Variants in MGST1 observed in about 807,000 individuals in gnomAD.
MGST1 encodes the protein microsomal glutathione S-transferase 1, also known as glutathione S-transferase 12.
Under a neutral mutation model 8.9 loss-of-function variants are expected in MGST1, and 5 were observed. The observed-to-expected ratio is 0.56, with a 90% CI of 0.29 to 1.19. The LOEUF is 1.19. Among genes scored for constraint, MGST1 ranks in the 50% most tolerant of loss-of-function variants. The pLI, the probability that MGST1 is intolerant of heterozygous loss-of-function variation, is 0.08. For missense variants in MGST1, 182 were observed against 187.4 expected (o/e 0.97, Z 0.17); for synonymous variants, 54 against 67.8 (o/e 0.80, Z 1.00).
chr12:16,381,364 G>C (rs549701425), downstream of MGST1, among the ~76,000 whole-genome samples: 101 of 152,294 alleles, frequency 6.6e-4, no homozygotes, highest in African/African-American at 2.4e-3. Context: ...GCATTTGCTT[G>C]TCTGTAAAGT....
At chr12:16,466,574 T>C (rs1010411942) in intron 4 of MGST1, among the ~76,000 whole-genome samples, 1 of 152,152 alleles carries the variant, frequency 6.6e-6, no homozygotes, top group African/African-American at 2.4e-5. Flanking sequence ...TTTGGGGTCA[T>C]TAAATATGAG....
intron 1 of MGST1, chr12:16,348,805 A>T (rs79240451): frequency 0.013 from 1,762 of 133,024 alleles, 27 homozygotes; most frequent in African/African-American, 0.038. Flanking sequence ...GGTAATTAAA[A>T]AAAAAAAAAA....
At chr12:16,545,552 T>G (rs1192778881) in intron 4 of MGST1, among the ~76,000 whole-genome samples, 1 of 152,132 alleles carries the variant, frequency 6.6e-6, no homozygotes. Flanking sequence ...TGTATTATCT[T>G]GATTCTGAGA....
chr12:16,382,947 G>T (rs1419569175), exon 1 of MGST1: 1 of 152,670 alleles, frequency 6.6e-6, no homozygotes, highest in East Asian at 1.9e-4. Flanking sequence ...CTCCGAGCCA[G>T]GTGCGAGATA....
At chr12:16,449,892 G>A (rs1941115673) in intron 4 of MGST1, among the ~76,000 whole-genome samples, 1 of 151,872 alleles carries the variant, frequency 6.6e-6, no homozygotes, top group Non-Finnish European at 1.5e-5. Flanking sequence ...CCACCTCATT[G>A]GAATTGTGGG....
At chr12:16,541,189 C>CT (rs1223322187) in intron 4 of MGST1, among the ~76,000 whole-genome samples, 4 of 152,158 alleles carry the variant, frequency 2.6e-5, no homozygotes, top group East Asian at 3.9e-4. Context: ...AATTAAATAA[C>CT]TTTTTTTAGT....
At chr12:16,564,405 C>T (rs1242036460) in intron 4 of MGST1, among the ~76,000 whole-genome samples, 1 of 152,248 alleles carries the variant, frequency 6.6e-6, no homozygotes, top group Admixed American at 6.5e-5. Flanking sequence ...TGCCATAAAG[C>T]AAGCAAACTC....
chr12:16,554,718 C>T (rs1450989602), intron 4 of MGST1, among the ~76,000 whole-genome samples: 3 of 152,150 alleles, frequency 2.0e-5, no homozygotes, highest in East Asian at 1.9e-4. Flanking sequence ...GGCCTGACTC[C>T]GGAGAGGGAG....
At chr12:16,452,829 C>T (rs1376822294) in intron 4 of MGST1, among the ~76,000 whole-genome samples, 1 of 151,888 alleles carries the variant, frequency 6.6e-6, no homozygotes, top group Non-Finnish European at 1.5e-5. Context: ...ATGTTCTGGC[C>T]TTAAACTGGG....
chr12:16,442,886 A>G (rs1342689494), downstream of MGST1, among the ~76,000 whole-genome samples: 5 of 151,694 alleles, frequency 3.3e-5, no homozygotes, highest in Non-Finnish European at 7.4e-5. The surrounding 1 kb of genome is among the most constrained non-coding windows in gnomAD (Gnocchi z 4.5). Context: ...AATCAATTTG[A>G]TGTGTCATAT....
rs558771909 is a variant in MGST1 at position 16,540,982 on chromosome 12, A to G, written n.483-48546A>G. Among the ~76,000 whole-genome samples, 6 of 152,332 alleles carry G rather than the reference A, an allele frequency of 3.9e-5. No individual in the cohort carries two copies. The South Asian group carries it at 1.0e-3, about 26-fold the overall frequency. On this transcript the variant is annotated intron_variant and non_coding_transcript_variant, in intron 4 of 4. Coordinates refer to the MGST1 transcript ENST00000538857. ...AAAACCTGATTTTGGATTCACAACC[A>G]ATAAAACCAAATTAATTGATTTCAC...
chr12:16,417,232 TC>T (rs1164158954), intron 1 of MGST1, among the ~76,000 whole-genome samples: 1 of 152,006 alleles, frequency 6.6e-6, no homozygotes, highest in African/African-American at 2.4e-5. Flanking sequence ...GGCAAACACA[TC>T]CTTTTTCACA....
chr12:16,566,040 A>ATATATATATATAT (rs1942598708), intron 4 of MGST1, among the ~76,000 whole-genome samples: 10 of 106,796 alleles, frequency 9.4e-5, no homozygotes, highest in East Asian at 3.3e-4. Context: ...ATATATATAT[A>ATATATATATATAT]AAATGGAGTA....
chr12:16,474,975 G>A lies in MGST1; in HGVS notation n.482+91371G>A, dbSNP rs1277016859. Among the ~76,000 whole-genome samples the A allele has an allele frequency of 2.6e-5, 4 of 152,210 alleles. No individual in the cohort carries two copies. In the South Asian group the frequency reaches 8.3e-4, roughly 32 times the overall value. The stretch of plus-strand genomic sequence containing the variant: ...TCAGAGAGAGCACTGCTAATCAACC[G>A]GTGCAGTAGGCTAATGCACCATGTG... On this transcript the variant is annotated intron_variant and non_coding_transcript_variant, in intron 4 of 4. Transcript: ENST00000538857.
At chr12:16,358,688 G>A (rs1279451609) in intron 3 of MGST1, among the ~76,000 whole-genome samples, 3 of 150,198 alleles carry the variant, frequency 2.0e-5, no homozygotes, top group Non-Finnish European at 3.0e-5. Context: ...GGTTGGTCTC[G>A]AACTCCTGAC....
chr12:16,413,252 A>C lies in MGST1; in HGVS notation n.779-24136A>C, dbSNP rs1383912804. On this transcript the variant is annotated intron_variant and non_coding_transcript_variant, in intron 1 of 1. Transcript: ENST00000359720. This position sits in a 1 kb window ranked among gnomAD's most constrained non-coding sequence, Gnocchi z 4.0. Reference sequence around the variant, plus strand: ...ACGGATGCTGTGTTGCCATTTGGGCAACCACCACATACCACTTGTGTTGAG... The same window carrying C: ...ACGGATGCTGTGTTGCCATTTGGGCCACCACCACATACCACTTGTGTTGAG... 1.3e-5 allele frequency among the ~76,000 whole-genome samples: 2 copies of C among 152,200 alleles called. No individual in the cohort carries two copies. The highest frequency in any genetic ancestry group is 4.8e-5 in the African/African-American group (2 of 41,450).
chr12:16,508,247 T>C (rs1188709578), intron 4 of MGST1, among the ~76,000 whole-genome samples: 2 of 152,184 alleles, frequency 1.3e-5, no homozygotes, highest in Non-Finnish European at 2.9e-5. Flanking sequence ...TACATAGGTG[T>C]AACTTCACCT....
At chr12:16,561,114 C>T (rs1206649266) in intron 4 of MGST1, among the ~76,000 whole-genome samples, 2 of 152,022 alleles carry the variant, frequency 1.3e-5, no homozygotes, top group Non-Finnish European at 2.9e-5. Flanking sequence ...GTAAATGAGG[C>T]TGTAAACTAT....
Position 16,587,792 on chromosome 12 carries a change from C to G in MGST1, n.483-1736C>G, listed in dbSNP as rs1379295848. On this transcript the variant is annotated intron_variant and non_coding_transcript_variant, in intron 4 of 4. Coordinates refer to the MGST1 transcript ENST00000538857. The surrounding 1 kb of genome is among the most constrained non-coding windows in gnomAD (Gnocchi z 4.3). ...AGCATTTATCTGTCTAAAAATCTCA[C>G]TGTGTCCTGAATGGGGGGTTTCAGG... Among the ~76,000 whole-genome samples the G allele has an allele frequency of 1.3e-5, 2 of 152,008 alleles. No homozygotes were observed. Among genetic ancestry groups the G allele is most frequent in the Non-Finnish European group, 2.9e-5 (2 of 67,980 alleles).
Sources: allele counts gnomAD v4.1 joint callset (sites outside exome capture counted in the v4.1 genomes callset), GRCh38; gene constraint gnomAD v4.1.1; non-coding constraint Gnocchi (gnomAD v3.1); transcripts MANE v1.5; gene names NCBI Gene and HGNC (gene_info 2026-07-23, HGNC 2026-07-21).